MLLT3: variants seen among roughly 807,000 people sequenced by gnomAD.
MLLT3 encodes the protein protein AF-9.
A neutral mutation model predicts 53.2 loss-of-function variants in MLLT3; 4 were observed. The ratio of observed to expected loss-of-function variants is 0.08; its 90% confidence interval spans 0.04 to 0.17. MLLT3 has a LOEUF of 0.17. Among genes scored for constraint, MLLT3 ranks in the 10% least tolerant of loss-of-function variants. The probability of loss-of-function intolerance (pLI) is 1.00; values close to 1 mark genes in which losing one functional copy is unlikely to be tolerated. For missense variants in MLLT3, 569 were observed against 684.0 expected, an observed-to-expected ratio of 0.83 and a Z score of 1.87; for synonymous variants, 283 against 230.6, an observed-to-expected ratio of 1.23 and a Z score of -2.06.
At chr9:20,474,608 T>TC (rs921253727) in intron 2 of MLLT3, among the ~76,000 whole-genome samples, 2 of 151,960 alleles carry the variant, frequency 1.3e-5, no homozygotes, top group African/African-American at 4.8e-5. Context: ...ATTTGTTTTT[T>TC]CCCACATACA....
intron 2 of MLLT3, among the ~76,000 whole-genome samples, chr9:20,532,310 GAA>G (rs148443498): frequency 7.2e-6 from 1 of 138,228 alleles, no homozygotes. Flanking sequence ...AAAAAAATAG[GAA>G]AAAAAAATAT....
chr9:20,474,269 T>C (rs974210082), intron 2 of MLLT3, among the ~76,000 whole-genome samples: 4 of 152,150 alleles, frequency 2.6e-5, no homozygotes, highest in Admixed American at 2.0e-4. Flanking sequence ...GTAAAGAAAA[T>C]TGGAGAAGAT....
chr9:20,485,989 T>A (rs140880993), intron 2 of MLLT3, among the ~76,000 whole-genome samples: 2 of 152,296 alleles, frequency 1.3e-5, no homozygotes, highest in African/African-American at 4.8e-5. Flanking sequence ...TAAATAGTGA[T>A]AAAATAATAA....
Position 20,599,404 on chromosome 9 carries a change from G to A in MLLT3, c.193+21250C>T, listed in dbSNP as rs951016196. ...ACATAAAGTTCCTCAAATGCCTTCA[G>A]AATTTCTGAAGGAAAACTAAATCAC... On this transcript the variant is annotated intron_variant, in intron 2 of 10. Transcript: ENST00000380338. Among the ~76,000 whole-genome samples, 9 of 144,636 alleles carry A rather than the reference G, an allele frequency of 6.2e-5. No homozygotes were observed. In the East Asian group the frequency reaches 1.6e-3, roughly 26 times the overall value. 94.9% of individuals were successfully genotyped at this position (144,636 alleles called of 152,430 possible).
At chr9:20,379,508 A>G (rs976703204) in intron 5 of MLLT3, among the ~76,000 whole-genome samples, 2 of 152,080 alleles carry the variant, frequency 1.3e-5, no homozygotes, top group Admixed American at 6.6e-5. Flanking sequence ...ACTGGCTAGT[A>G]AGACTTTAAT....
chr9:20,522,456 A>G lies in MLLT3; in HGVS notation c.194-65670T>C, dbSNP rs530101762. 5.9e-5 allele frequency among the ~76,000 whole-genome samples: 9 copies of G among 152,304 alleles called. No individual in the cohort carries two copies. In the East Asian group the frequency reaches 1.3e-3, roughly 23 times the overall value. ...ATCATTCTGGACCAAAACAGTAATT[A>G]TATCTTCTCTTAGATATAATCTCTT... On this transcript the variant is annotated intron_variant, in intron 2 of 10. Coordinates refer to ENST00000380338, the MANE Select transcript of MLLT3 (RefSeq NM_004529.4).
intron 5 of MLLT3, among the ~76,000 whole-genome samples, chr9:20,396,774 T>G (rs116560223): frequency 3.8e-3 from 580 of 152,148 alleles, no homozygotes; most frequent in African/African-American, 0.013. Context: ...ACACTGTCAT[T>G]GATAAAATGG....
At chr9:20,540,901 T>C (rs1349841643) in intron 2 of MLLT3, among the ~76,000 whole-genome samples, 1 of 152,252 alleles carries the variant, frequency 6.6e-6, no homozygotes, top group Non-Finnish European at 1.5e-5. Flanking sequence ...CTTTTAAACA[T>C]AAGTTCGAAT....
chr9:20,552,481 C>T (rs1405557904), intron 2 of MLLT3, among the ~76,000 whole-genome samples: 4 of 152,128 alleles, frequency 2.6e-5, no homozygotes, highest in Non-Finnish European at 5.9e-5. Context: ...CAGCTAGACT[C>T]TAGCTGCTAG....
intron 2 of MLLT3, among the ~76,000 whole-genome samples, chr9:20,511,268 C>T (rs1825527414): frequency 6.6e-6 from 1 of 151,916 alleles, no homozygotes; most frequent in East Asian, 1.9e-4. Context: ...TTAAAAAAAA[C>T]TTCAAGAAAA....
intron 4 of MLLT3, among the ~76,000 whole-genome samples, chr9:20,415,151 T>C (rs1394551300): frequency 6.6e-6 from 1 of 152,148 alleles, no homozygotes; most frequent in Non-Finnish European, 1.5e-5. Flanking sequence ...CAATTTGAGA[T>C]AAAAAGCAAT....
chr9:20,358,726 T>C (rs1226354241), intron 8 of MLLT3, among the ~76,000 whole-genome samples: 1 of 151,934 alleles, frequency 6.6e-6, no homozygotes, highest in African/African-American at 2.4e-5. Context: ...CTGAAGGAGA[T>C]GAGTGAGGGG....
chr9:20,619,528 A>G (rs1820933450), intron 2 of MLLT3, among the ~76,000 whole-genome samples: 1 of 152,240 alleles, frequency 6.6e-6, no homozygotes, highest in Admixed American at 6.5e-5. Context: ...TTACTCTAAG[A>G]AACGACAGGA....
chr9:20,388,813 G>GT (rs553623720), intron 5 of MLLT3, among the ~76,000 whole-genome samples: 31 of 152,196 alleles, frequency 2.0e-4, no homozygotes, highest in African/African-American at 5.8e-4. Context: ...AGTTTATCTT[G>GT]TTTTTTTGTG....
intron 2 of MLLT3, among the ~76,000 whole-genome samples, chr9:20,582,369 C>T (rs1819815652): frequency 1.3e-5 from 2 of 152,174 alleles, no homozygotes; most frequent in South Asian, 4.1e-4. Context: ...CCCTAAAAAT[C>T]CCACCATGTT....
At chr9:20,463,650 G>A (rs147816481) in intron 2 of MLLT3, among the ~76,000 whole-genome samples, 12 of 152,240 alleles carry the variant, frequency 7.9e-5, no homozygotes, top group African/African-American at 2.9e-4. Context: ...GATTAGCCTA[G>A]TGGACACAGA....
In MLLT3 at chr9:20,507,114, T is replaced by C. The variant is rs144239825; in HGVS notation, c.194-50328A>G. Reference sequence around the variant, plus strand: ...AGTGAGTAGTAAATTTTCAAGACGGTGTCTACATTTGAAAGAGAACTGTTT... The same window carrying C: ...AGTGAGTAGTAAATTTTCAAGACGGCGTCTACATTTGAAAGAGAACTGTTT... On this transcript the variant is annotated intron_variant, in intron 2 of 10. Transcript: ENST00000380338. Among the ~76,000 whole-genome samples, 1,333 of 152,310 alleles carry C rather than the reference T, an allele frequency of 8.8e-3. 7 individuals carry two copies. The highest frequency in any genetic ancestry group is 0.014 in the Non-Finnish European group (964 of 68,020).
At chr9:20,521,779 TGTTC>T (rs1476565210) in intron 2 of MLLT3, among the ~76,000 whole-genome samples, 1 of 152,196 alleles carries the variant, frequency 6.6e-6, no homozygotes, top group African/African-American at 2.4e-5. Context: ...AATCCCTTAT[TGTTC>T]GTGATGCCAT....
intron 4 of MLLT3, among the ~76,000 whole-genome samples, chr9:20,442,183 C>T (rs536741521): frequency 2.6e-5 from 4 of 152,198 alleles, no homozygotes; most frequent in Admixed American, 1.3e-4. Context: ...AAATGAGATG[C>T]CATTTTTCAT....
Sources: gnomAD v4.1 joint callset for allele counts (sites outside exome capture counted in the v4.1 genomes callset) on GRCh38, gnomAD v4.1.1 for gene constraint, MANE v1.5 for transcripts, NCBI Gene and HGNC (gene_info 2026-07-23, HGNC 2026-07-21) for gene names.